Variants in TOX3 observed in about 807,000 individuals in gnomAD.
TOX3 encodes TOX high mobility group box family member 3.
A neutral mutation model predicts 64.3 loss-of-function variants in TOX3; 22 were observed. The ratio of observed to expected loss-of-function variants is 0.34; its 90% CI spans 0.24 to 0.49. The LOEUF (loss-of-function observed/expected upper bound fraction) is 0.49, where lower values mean the gene tolerates loss of function less well. Among genes scored for constraint, TOX3 ranks in the 20% least tolerant of loss-of-function variants. TOX3 has a pLI of 0.99. For missense variants in TOX3, 661 were observed against 714.4 expected, an observed-to-expected ratio of 0.93 and a Z score of 0.85; for synonymous variants, 291 against 273.6, an observed-to-expected ratio of 1.06 and a Z score of -0.63.
chr16:52,545,251 C>T (rs1382137201), intron 1 of TOX3, among the ~76,000 whole-genome samples: 1 of 152,184 alleles, frequency 6.6e-6, no homozygotes, highest in East Asian at 1.9e-4. Flanking sequence ...AGAGCAGGAA[C>T]GCTCCAACCA....
intron 3 of TOX3, among the ~76,000 whole-genome samples, chr16:52,454,512 T>C (rs568546812): frequency 1.3e-5 from 2 of 152,332 alleles, no homozygotes; most frequent in East Asian, 3.9e-4. Context: ...AAGATTATAG[T>C]ATAAGACGAT....
intron 1 of TOX3, among the ~76,000 whole-genome samples, chr16:52,476,167 GA>G (rs570698856): frequency 3.9e-4 from 59 of 152,260 alleles, no homozygotes; most frequent in African/African-American, 1.3e-3. Context: ...ATCACCAGGA[GA>G]AAGGATGGGA....
At chr16:52,502,768 T>G (rs1962037308) in intron 1 of TOX3, among the ~76,000 whole-genome samples, 1 of 152,236 alleles carries the variant, frequency 6.6e-6, no homozygotes, top group Non-Finnish European at 1.5e-5. Context: ...CTAGAAATTT[T>G]AAAACACTAC....
At chr16:52,442,602 T>C (rs1596769917) in intron 6 of TOX3, among the ~76,000 whole-genome samples, 1 of 152,326 alleles carries the variant, frequency 6.6e-6, no homozygotes, top group East Asian at 1.9e-4. Flanking sequence ...ACCAATTCTT[T>C]AGAAGCGGTC....
chr16:52,453,510 T>C (rs1567314453), intron 3 of TOX3, among the ~76,000 whole-genome samples: 1 of 152,160 alleles, frequency 6.6e-6, no homozygotes, highest in Non-Finnish European at 1.5e-5. Flanking sequence ...AATCTTTCCA[T>C]CTTATTTAAA....
rs1959772180 is a variant in TOX3, at chr16:52,437,033, T to G, written c.*2192A>C. The G allele has an allele frequency of 6.6e-6, 1 of 152,234 alleles. No homozygotes were observed. The highest frequency in any genetic ancestry group is 2.4e-5 in the African/African-American group (1 of 41,470). The allele number at this position is 152,234 out of a possible 1,614,324, so 9.4% of individuals were successfully genotyped here. A position where few individuals can be genotyped will look rare whatever the true frequency, so the allele number is the denominator to read the frequency against. ...AATCTTTTACCATTCGAGCTCTACT[T>G]CTGAAGGATCTGATGCTAGCACATC... On this transcript the variant is annotated 3_prime_UTR_variant, in exon 7 of 7. Transcript: ENST00000219746.
chr16:52,451,115 A>G (rs1001040255), intron 3 of TOX3, among the ~76,000 whole-genome samples: 4 of 152,136 alleles, frequency 2.6e-5, no homozygotes, highest in Admixed American at 1.3e-4. Context: ...CACAGAGCAA[A>G]CATCTGTTTG....
chr16:52,521,789 C>T (rs1160955938), intron 1 of TOX3, among the ~76,000 whole-genome samples: 2 of 152,192 alleles, frequency 1.3e-5, no homozygotes, highest in Admixed American at 6.5e-5. Context: ...GGCCCTACCC[C>T]AGACCTACTG....
At chr16:52,505,731 C>A (rs1454829192) in intron 1 of TOX3, among the ~76,000 whole-genome samples, 2 of 152,204 alleles carry the variant, frequency 1.3e-5, no homozygotes, top group Non-Finnish European at 2.9e-5. Flanking sequence ...GATCCCAGCA[C>A]TTTGGGAGAT....
intron 3 of TOX3, among the ~76,000 whole-genome samples, chr16:52,460,719 GA>G (rs112497200): frequency 1.3e-5 from 2 of 148,412 alleles, no homozygotes; most frequent in Admixed American, 6.7e-5. Context: ...AGCCAAATAA[GA>G]AAAAAAAAAG....
At chr16:52,526,624 C>T (rs186417958) in intron 1 of TOX3, among the ~76,000 whole-genome samples, 1 of 152,174 alleles carries the variant, frequency 6.6e-6, no homozygotes, top group Non-Finnish European at 1.5e-5. Flanking sequence ...GACAATAAAC[C>T]CCTGATCAGA....
At chr16:52,504,429 T>C (rs1337079592) in intron 1 of TOX3, among the ~76,000 whole-genome samples, 1 of 139,046 alleles carries the variant, frequency 7.2e-6, no homozygotes, top group Non-Finnish European at 1.5e-5. Flanking sequence ...ATCGTGTCAC[T>C]GCACTCCAGC....
intron 4 of TOX3, among the ~76,000 whole-genome samples, chr16:52,449,688 A>T (rs1188348439): frequency 6.6e-6 from 1 of 152,278 alleles, no homozygotes; most frequent in Admixed American, 6.5e-5. Context: ...ATGAGTAATT[A>T]TGTACTATTA....
Position 52,439,685 on chromosome 16 carries a change from A to C in TOX3, c.1271T>G (p.Val424Gly). 6.2e-7 allele frequency: 1 copy of C among 1,613,900 alleles called. No individual in the cohort carries two copies. The highest frequency in any genetic ancestry group is 2.2e-5 in the East Asian group (1 of 44,870). The part of the protein sequence containing the change: ...PLISSMGTTM[V>G]GSAPSTQVSP... ...CACTTGGGTGGAGGGTGCTGAGCCA[A>C]CCATGGTCGTTCCCATGGAGCTTAT... is the stretch of plus-strand genomic sequence containing the variant. Residue 424 changes from valine to glycine, a missense_variant, in exon 7 of 7, where the codon GTT becomes GGT. Val to Gly is a moderately radical substitution (Grantham distance 109, BLOSUM62 -3). Transcript: ENST00000219746.
chr16:52,479,117 T>A (rs747949487), intron 1 of TOX3, among the ~76,000 whole-genome samples: 16 of 152,072 alleles, frequency 1.1e-4, no homozygotes, highest in Non-Finnish European at 2.2e-4. Flanking sequence ...TTTGAAGTAC[T>A]CCCCCTTGAA....
At position 52,450,348 on chromosome 16, in the gene TOX3, G is replaced by A; in HGVS notation, c.607C>T (p.Pro203Ser). The A allele has an allele frequency of 6.2e-7, 1 of 1,614,020 alleles. No individual in the cohort carries two copies. Among genetic ancestry groups the A allele is most frequent in the Non-Finnish European group, 8.5e-7 (1 of 1,179,896 alleles). ...ASMPHTSPSP[P>S]ASKSATPSPS... ...GAGGGAGTGGCTGATTTGCTTGCTGGAGGTGAAGGAGATGTGTGAGGCATA... is the reference window on the plus strand; with the variant it reads ...GAGGGAGTGGCTGATTTGCTTGCTGAAGGTGAAGGAGATGTGTGAGGCATA... Residue 203 changes from proline (P) to serine (S), a missense_variant, in exon 4 of 7, where the codon CCA (proline) becomes TCA (serine). By Grantham distance (74) the Pro-to-Ser change is moderately conservative (BLOSUM62 -1). This residue lies in a region of TOX3 where 103 missense variants were observed against 161.2 expected (regional missense o/e 0.64). Transcript: ENST00000219746.
At chr16:52,513,314 G>A (rs573753604) in intron 1 of TOX3, among the ~76,000 whole-genome samples, 1 of 152,178 alleles carries the variant, frequency 6.6e-6, no homozygotes, top group South Asian at 2.1e-4. Context: ...GGTTATAACT[G>A]GAGATGTATG....
intron 1 of TOX3, among the ~76,000 whole-genome samples, chr16:52,477,254 A>T (rs1334947868): frequency 6.6e-6 from 1 of 152,190 alleles, no homozygotes; most frequent in Non-Finnish European, 1.5e-5. Flanking sequence ...AAAGGAAGAA[A>T]GCTGGAGGAG....
intron 1 of TOX3, among the ~76,000 whole-genome samples, chr16:52,537,878 TA>T (rs57403617): frequency 0.049 from 5,446 of 111,030 alleles, 62 homozygotes; most frequent in Middle Eastern, 0.11. Flanking sequence ...GCTGATATGA[TA>T]AAAAAAAAAA....
Sources: allele counts gnomAD v4.1 joint callset (sites outside exome capture counted in the v4.1 genomes callset), GRCh38; gene constraint gnomAD v4.1.1; regional missense constraint gnomAD v4.1.1; transcripts MANE v1.5; gene names NCBI Gene and HGNC (gene_info 2026-07-23, HGNC 2026-07-21).